Variants in GATAD1 observed in about 807,000 individuals in gnomAD.
GATAD1 encodes GATA zinc finger domain containing 1, also known as GATA zinc finger domain-containing protein 1.
In GATAD1, 12 loss-of-function variants were observed where a neutral mutation model predicts 26.5. That is an observed-to-expected ratio of 0.45 (90% CI 0.29 to 0.73). The LOEUF is 0.73. GATAD1 is among the 30% of genes least tolerant of loss of function. The probability of loss-of-function intolerance (pLI) is 0.10; values close to 1 mark genes in which losing one functional copy is unlikely to be tolerated. For synonymous variants in GATAD1, 129 were observed against 133.1 expected, an observed-to-expected ratio of 0.97 and a Z score of 0.21; for missense variants, 266 against 342.1, an observed-to-expected ratio of 0.78 and a Z score of 1.75.
the GATAD1 span, chr7:92,493,856 T>C: frequency 5.1e-6 from 1 of 195,766 alleles, no homozygotes; most frequent in South Asian, 9.7e-5. Context: ...ATTTGTTTGC[T>C]TCTAAATTGG....
At chr7:92,453,453 A>G (rs3814099) in intron 3 of GATAD1, among the ~76,000 whole-genome samples, 11,761 of 152,274 alleles carry the variant, frequency 0.077, 482 homozygotes, top group Non-Finnish European at 0.087. Context: ...GGACATGTAC[A>G]CATTAGTTAG....
At chr7:92,474,300 G>A in the GATAD1 span, among the ~76,000 whole-genome samples, 2 of 152,190 alleles carry the variant, frequency 1.3e-5, no homozygotes, top group Non-Finnish European at 2.9e-5. Flanking sequence ...CTGACTGAGT[G>A]ATAAACTTAC....
the GATAD1 span, chr7:92,472,422 A>G: frequency 7.2e-5 from 11 of 152,290 alleles, no homozygotes; most frequent in South Asian, 2.1e-4. Context: ...CACTACATCA[A>G]TTTCCTTAGT....
At chr7:92,482,926 G>T in the GATAD1 span, among the ~76,000 whole-genome samples, 1 of 152,210 alleles carries the variant, frequency 6.6e-6, no homozygotes, top group African/African-American at 2.4e-5. Flanking sequence ...AGAAGGTGAT[G>T]TGGAGTGGGT....
the GATAD1 span, chr7:92,489,396 G>A: frequency 4.3e-6 from 7 of 1,612,716 alleles, no homozygotes; most frequent in East Asian, 2.2e-5. Context: ...GTTTTGATTG[G>A]TCCTGGTTGG....
chr7:92,448,042 C>T, intron 1 of GATAD1, 64 bp downstream of exon 1: 2 of 1,161,232 alleles, frequency 1.7e-6, no homozygotes, highest in South Asian at 8.6e-5. Context: ...CGGGGACGGG[C>T]TGGCTGGGAG....
chr7:92,493,175 AATATT>A, the GATAD1 span: 1 of 1,058,184 alleles, frequency 9.5e-7, no homozygotes, highest in Non-Finnish European at 1.4e-6. Flanking sequence ...TAAAATTAAA[AATATT>A]ATCTTAAATT....
the GATAD1 span, chr7:92,487,560 A>C: frequency 8.4e-7 from 1 of 1,191,786 alleles, no homozygotes; most frequent in South Asian, 1.3e-5. Context: ...AGAAAGAGAT[A>C]ATTTAATATG....
At chr7:92,481,359 G>A in the GATAD1 span, among the ~76,000 whole-genome samples, 6 of 152,120 alleles carry the variant, frequency 3.9e-5, no homozygotes, top group Non-Finnish European at 7.3e-5. Context: ...TGAAGGAGCC[G>A]GGGAGCAGAA....
At chr7:92,489,767 G>C in the GATAD1 span, 1 of 1,614,082 alleles carries the variant, frequency 6.2e-7, no homozygotes, top group Non-Finnish European at 8.5e-7. Flanking sequence ...GCCCTCAGTT[G>C]ATCTCTTTGT....
chr7:92,495,195 CTTTGT>C, the GATAD1 span, among the ~76,000 whole-genome samples: 1,878 of 152,038 alleles, frequency 0.012, 41 homozygotes, highest in African/African-American at 0.043. Flanking sequence ...TGAACTTTGA[CTTTGT>C]TTTATTAATT....
chr7:92,448,178 T>C (rs905944282), intron 1 of GATAD1, among the ~76,000 whole-genome samples, 200 bp downstream of exon 1: 1 of 152,166 alleles, frequency 6.6e-6, no homozygotes, highest in African/African-American at 2.4e-5. Context: ...TTCAAAGCAA[T>C]AAGAACCAAG....
the GATAD1 span, among the ~76,000 whole-genome samples, chr7:92,479,706 G>C: frequency 1.3e-5 from 2 of 152,122 alleles, no homozygotes; most frequent in African/African-American, 4.8e-5. Flanking sequence ...GGGCTGCTTC[G>C]AGAGGGATTA....
At chr7:92,494,453 T>A in the GATAD1 span, 1 of 1,612,196 alleles carries the variant, frequency 6.2e-7, no homozygotes. Context: ...GACATTTTGT[T>A]ATAACATTCT....
At position 92,456,376 on chromosome 7, in the gene GATAD1, A is replaced by G. The variant is rs896444290; in HGVS notation, c.624A>G (p.Pro208=). ...TTTCCCTTGGCTGCCTTCCAGGGCC[A>G]GAGGAAGATCTTCCAAGGAAGATGG... is the stretch of plus-strand genomic sequence containing the variant. ...QFDPASYIIG[P]EEDLPRKMEY... is the part of the protein sequence containing the mutation. Residue 208 remains proline (P), a synonymous_variant, in exon 5 of 5, where the codon CCA becomes CCG. Coordinates refer to ENST00000287957, the MANE Select transcript of GATAD1 (RefSeq NM_021167.5). 6 of 1,604,334 alleles carry G rather than the reference A, an allele frequency of 3.7e-6. No homozygotes were observed. The highest frequency in any genetic ancestry group is 3.4e-5 in the Admixed American group (2 of 59,372).
At chr7:92,469,035 G>C in the GATAD1 span, 2 of 714,702 alleles carry the variant, frequency 2.8e-6, no homozygotes, top group Non-Finnish European at 5.1e-6. Flanking sequence ...CTAAGAAGGG[G>C]AGAATCCAGG....
rs1017952508 is a variant in GATAD1, at chr7:92,454,616, G to T, written c.550G>T (p.Ala184Ser). 1 of 1,613,128 alleles carries T rather than the reference G, an allele frequency of 6.2e-7. No homozygotes were observed. The highest frequency in any genetic ancestry group is 1.3e-5 in the African/African-American group (1 of 74,920). Reference protein sequence around the residue: ...IQDQYCEKSAALTWLIPTLSS... With the variant: ...IQDQYCEKSASLTWLIPTLSS... ...GGACCAGTATTGCGAGAAGAGTGCA[G>T]CACTGACGTGGCTCATTCCTACCCT... The change falls in exon 4 of 5, where the codon GCA becomes TCA. Residue 184 changes from alanine to serine, a missense_variant. Transcript: ENST00000287957.
Position 92,457,527 on chromosome 7 carries a change from A to G in GATAD1, c.*965A>G, listed in dbSNP as rs1789732237. The stretch of plus-strand genomic sequence containing the variant: ...ATGAAATATATTTTGAACTTAAATT[A>G]TATTCTATATGTGTATCTTCCTAGG... On this transcript the variant is annotated 3_prime_UTR_variant, in exon 5 of 5. Transcript: ENST00000287957. 6.6e-6 allele frequency: 1 copy of G among 152,220 alleles called. No homozygotes were observed. The highest frequency in any genetic ancestry group is 1.5e-5 in the Non-Finnish European group (1 of 68,048). 9.4% of individuals were successfully genotyped at this position (152,220 alleles called of 1,614,324 possible). A position where few individuals can be genotyped will look rare whatever the true frequency, so the allele number is the denominator to read the frequency against.
At chr7:92,490,309 G>A in the GATAD1 span, 1 of 224,298 alleles carries the variant, frequency 4.5e-6, no homozygotes, top group African/African-American at 2.4e-5. Context: ...TACTGTTCTT[G>A]GGAATAAAAA....
Sources: allele counts gnomAD v4.1 joint callset (sites outside exome capture counted in the v4.1 genomes callset), GRCh38; gene constraint gnomAD v4.1.1; transcripts MANE v1.5; gene names NCBI Gene and HGNC (gene_info 2026-07-23, HGNC 2026-07-21).